The following HIVEP2 variants were observed in gnomAD, a reference collection of about 807,000 sequenced individuals.
The protein encoded by HIVEP2 is HIVEP zinc finger 2.
In HIVEP2, 14 loss-of-function variants were observed where a neutral mutation model predicts 180.7. The ratio of observed to expected loss-of-function variants is 0.08; its 90% CI spans 0.05 to 0.12. The LOEUF (loss-of-function observed/expected upper bound fraction) is 0.12, where lower values mean the gene tolerates loss of function less well. Among genes scored for constraint, HIVEP2 ranks in the 10% least tolerant of loss-of-function variants. The probability of loss-of-function intolerance (pLI) is 1.00; values close to 1 mark genes in which losing one functional copy is unlikely to be tolerated. For missense variants in HIVEP2, 2,579 were observed against 3,008.5 expected (o/e 0.86, Z 3.34); for synonymous variants, 1,184 against 1,136.4 (o/e 1.04, Z -0.84).
chr6:142,859,114 T>C (rs969511675), intron 1 of HIVEP2, among the ~76,000 whole-genome samples: 12 of 152,174 alleles, frequency 7.9e-5, no homozygotes, highest in Admixed American at 3.3e-4. Context: ...GTAGATACTG[T>C]AGAAACACAT....
At chr6:142,882,353 G>C (rs1325846185) in intron 1 of HIVEP2, among the ~76,000 whole-genome samples, 2 of 152,150 alleles carry the variant, frequency 1.3e-5, no homozygotes, top group African/African-American at 4.8e-5. Context: ...GCTCATGCCT[G>C]TAATCCCAGC....
At chr6:142,896,283 C>T (rs921568695) in intron 1 of HIVEP2, among the ~76,000 whole-genome samples, 1 of 152,192 alleles carries the variant, frequency 6.6e-6, no homozygotes, top group Admixed American at 6.5e-5. Flanking sequence ...CACCATCTTC[C>T]TCCTCCTCCT....
At chr6:142,898,090 A>C (rs988386008) in intron 1 of HIVEP2, among the ~76,000 whole-genome samples, 1 of 152,156 alleles carries the variant, frequency 6.6e-6, no homozygotes, top group East Asian at 1.9e-4. Flanking sequence ...CCTGGGCTCC[A>C]GGTCTTGATC....
chr6:142,872,736 A>G (rs1776323606), intron 1 of HIVEP2, among the ~76,000 whole-genome samples: 1 of 152,240 alleles, frequency 6.6e-6, no homozygotes, highest in Admixed American at 6.5e-5. Flanking sequence ...GATATGAACT[A>G]ACTAGCTACC....
intron 4 of HIVEP2, among the ~76,000 whole-genome samples, chr6:142,775,917 A>T (rs546977972): frequency 6.6e-6 from 1 of 151,378 alleles, no homozygotes; most frequent in South Asian, 2.1e-4. Flanking sequence ...TATATGATAC[A>T]TGTTTTATAA....
chr6:142,857,563 G>T (rs1443940885), intron 1 of HIVEP2, among the ~76,000 whole-genome samples: 3 of 152,186 alleles, frequency 2.0e-5, no homozygotes, highest in Non-Finnish European at 2.9e-5. Context: ...CAGCTGCGCT[G>T]ACCACACTGC....
chr6:142,802,350 C>T (rs1385444369), intron 2 of HIVEP2, among the ~76,000 whole-genome samples: 2 of 152,138 alleles, frequency 1.3e-5, no homozygotes, highest in Non-Finnish European at 2.9e-5. Context: ...TGGCTCATCT[C>T]TCTGTAGCAA....
At chr6:142,788,096 A>C (rs1445022810) in intron 2 of HIVEP2, 2 of 152,256 alleles carry the variant, frequency 1.3e-5, no homozygotes, top group African/African-American at 2.4e-5. Context: ...ACTAGTGAAA[A>C]CAAACAAAAA....
chr6:142,789,805 G>A (rs1776094942), intron 2 of HIVEP2, among the ~76,000 whole-genome samples: 1 of 152,066 alleles, frequency 6.6e-6, no homozygotes, highest in Non-Finnish European at 1.5e-5. Context: ...ATTCAAATGA[G>A]CAAAGATATT....
intron 1 of HIVEP2, among the ~76,000 whole-genome samples, chr6:142,930,373 C>T (rs1255916738): frequency 1.3e-5 from 2 of 152,198 alleles, no homozygotes; most frequent in Non-Finnish European, 2.9e-5. Flanking sequence ...CCCTTTTCTA[C>T]TGTGGTATCT....
In HIVEP2 at chr6:142,769,806, T is replaced by C. The variant is rs181431283; in HGVS notation, c.4933A>G (p.Thr1645Ala). The C allele has an allele frequency of 1.2e-6, 2 of 1,614,088 alleles. No homozygotes were observed. Among genetic ancestry groups the C allele is most frequent in the Admixed American group, 1.7e-5 (1 of 60,014 alleles). ...TTCAAGAAGCACCAACTCACAGTAG[T>C]TGTTGTCCGCAGACTGGGGAACTGA... ...ILQFPSLRTT[T>A]TVSWCFLNYT... The change falls in exon 5 of 10, where the codon ACT becomes GCT. Residue 1645 changes from threonine to alanine, a missense_variant. Around this residue, in one of 11 missense-constraint regions of HIVEP2, gnomAD observed 349 missense variants for 367.2 expected, o/e 0.95. Transcript: ENST00000367603.
In HIVEP2 at chr6:142,941,861, T is replaced by G. The variant is rs543756817; in HGVS notation, c.-641+3238A>C. On this transcript the variant is annotated intron_variant, in intron 1 of 9. Transcript: ENST00000367603. Reference sequence around the variant, plus strand: ...AATTTTCAGGTAGATATTTAAACTGTGAACCGTTTCTCCACCTACAGAACT... The same window carrying G: ...AATTTTCAGGTAGATATTTAAACTGGGAACCGTTTCTCCACCTACAGAACT... 2.6e-5 allele frequency among the ~76,000 whole-genome samples: 4 copies of G among 152,354 alleles called. No individual in the cohort carries two copies. The South Asian group carries it at 8.3e-4, about 32-fold the overall frequency.
chr6:142,925,098 C>T (rs1245994644), intron 1 of HIVEP2, among the ~76,000 whole-genome samples: 1 of 152,126 alleles, frequency 6.6e-6, no homozygotes, highest in Middle Eastern at 3.2e-3. Flanking sequence ...CAATATGTGG[C>T]CTCAAAGGAT....
At chr6:142,856,204 T>TAAA (rs111541153) in intron 1 of HIVEP2, among the ~76,000 whole-genome samples, 9 of 147,122 alleles carry the variant, frequency 6.1e-5, no homozygotes, top group East Asian at 2.0e-4. Context: ...AGCAAGGGGT[T>TAAA]AAAAAAAAAA....
chr6:142,878,134 A>T (rs1776488728), intron 1 of HIVEP2, among the ~76,000 whole-genome samples: 1 of 152,148 alleles, frequency 6.6e-6, no homozygotes, highest in South Asian at 2.1e-4. Flanking sequence ...CATATTTCTG[A>T]TATCATTTAA....
chr6:142,791,923 A>T (rs1776147095), intron 2 of HIVEP2, among the ~76,000 whole-genome samples: 1 of 152,236 alleles, frequency 6.6e-6, no homozygotes, highest in South Asian at 2.1e-4. Flanking sequence ...TTGTGAGTAT[A>T]TGAAGACAGG....
rs1775476840 is a variant in HIVEP2 at position 142,769,869 on chromosome 6, G to A, written c.4870C>T (p.Leu1624Phe). ...APSGNVADST[L>F]LLTDMADFQQ... is the part of the protein sequence containing the mutation. ...AAATCTGCCATGTCCGTGAGAAGAA[G>A]AGTTGAGTCTGCCACGTTCCCGCTG... The change falls in exon 5 of 10, where the codon CTT becomes TTT. Residue 1624 changes from leucine (L) to phenylalanine (F), a missense_variant. Physicochemically the swap from Leu to Phe is conservative, Grantham distance 22. Transcript: ENST00000367603. The A allele has an allele frequency of 1.2e-6, 2 of 1,614,036 alleles. No individual in the cohort carries two copies. The highest frequency in any genetic ancestry group is 2.2e-5 in the South Asian group (2 of 91,092).
chr6:142,820,681 C>G (rs1392317506), intron 2 of HIVEP2, among the ~76,000 whole-genome samples: 1 of 151,342 alleles, frequency 6.6e-6, no homozygotes, highest in East Asian at 1.9e-4. Flanking sequence ...TTTTCACTTT[C>G]TTTTCTCCCT....
chr6:142,775,590 A>G (rs1254226584), intron 4 of HIVEP2, among the ~76,000 whole-genome samples: 1 of 152,128 alleles, frequency 6.6e-6, no homozygotes, highest in Non-Finnish European at 1.5e-5. Context: ...TAAACCCAGC[A>G]TTTGGGGAGG....
Sources: allele counts gnomAD v4.1 joint callset (sites outside exome capture counted in the v4.1 genomes callset), GRCh38; gene constraint gnomAD v4.1.1; regional missense constraint gnomAD v4.1.1; transcripts MANE v1.5; gene names NCBI Gene and HGNC (gene_info 2026-07-23, HGNC 2026-07-21).